The following HIVEP1 variants were observed in gnomAD, a reference collection of about 807,000 sequenced individuals.
The protein encoded by HIVEP1 is zinc finger protein 40.
Under a neutral mutation model 180.0 loss-of-function variants are expected in HIVEP1, and 36 were observed. The ratio of observed to expected loss-of-function variants is 0.20; its 90% CI spans 0.15 to 0.26. The LOEUF is 0.26. Among genes scored for constraint, HIVEP1 ranks in the 10% least tolerant of loss-of-function variants. The probability of loss-of-function intolerance (pLI) is 1.00; values close to 1 mark genes in which losing one functional copy is unlikely to be tolerated. For synonymous variants in HIVEP1, 1,239 were observed against 1,239.0 expected (o/e 1.00, Z 0.00); for missense variants, 3,143 against 3,268.7 (o/e 0.96, Z 0.94).
intron 2 of HIVEP1, among the ~76,000 whole-genome samples, chr6:12,016,129 C>T (rs1052186137): frequency 6.6e-6 from 1 of 152,148 alleles, no homozygotes; most frequent in African/African-American, 2.4e-5. Context: ...GGCATTCACT[C>T]AGACCATTAC....
chr6:12,052,455 T>C (rs770318658), intron 2 of HIVEP1, among the ~76,000 whole-genome samples: 1 of 152,218 alleles, frequency 6.6e-6, no homozygotes, highest in Non-Finnish European at 1.5e-5. Flanking sequence ...CCGAACCTTA[T>C]GTGTGTAAAG....
the HIVEP1 span, among the ~76,000 whole-genome samples, chr6:12,183,687 T>G: frequency 2.0e-5 from 3 of 152,160 alleles, no homozygotes; most frequent in Admixed American, 6.5e-5. Flanking sequence ...CAACTCATTT[T>G]TGGATTCGTC....
At chr6:12,166,141 A>T (rs546018772), downstream of HIVEP1, among the ~76,000 whole-genome samples, 1 of 152,304 alleles carries the variant, frequency 6.6e-6, no homozygotes, top group African/African-American at 2.4e-5. Flanking sequence ...GTTGAAAATG[A>T]GGTCTGTTTT....
In HIVEP1 at chr6:12,164,658, T is replaced by G; in HGVS notation, c.*197T>G. The G allele has an allele frequency of 2.0e-6, 1 of 506,762 alleles. No homozygotes were observed. Among genetic ancestry groups the G allele is most frequent in the East Asian group, 3.3e-5 (1 of 30,568 alleles). The allele number at this position is 506,762 out of a possible 1,614,324, so 31.4% of individuals were successfully genotyped here. On this transcript the variant is annotated 3_prime_UTR_variant, in exon 9 of 9. Coordinates refer to ENST00000379388, the MANE Select transcript of HIVEP1 (RefSeq NM_002114.4). ...CATGTTGTATAGACAATTGTGCCTT[T>G]TAGGAGCTTTATGTTTAGAAACTGT...
intron 3 of HIVEP1, among the ~76,000 whole-genome samples, chr6:12,096,088 A>G (rs547570641): frequency 3.9e-5 from 6 of 152,104 alleles, no homozygotes; most frequent in East Asian, 3.9e-4. Context: ...AGAACCTACA[A>G]TTGCCACTAT....
At chr6:12,030,074 G>GTA (rs1186045573) in intron 2 of HIVEP1, among the ~76,000 whole-genome samples, 3 of 152,108 alleles carry the variant, frequency 2.0e-5, no homozygotes, top group African/African-American at 7.2e-5. Context: ...AGAATTCTTG[G>GTA]TTGATAGGGT....
At chr6:12,065,681 G>A (rs1357582902) in intron 2 of HIVEP1, among the ~76,000 whole-genome samples, 1 of 76,690 alleles carries the variant, frequency 1.3e-5, no homozygotes, top group Non-Finnish European at 2.9e-5. Context: ...GTGTGTGTGT[G>A]TGTGTGTGTG....
chr6:12,057,230 C>T (rs756379758), intron 2 of HIVEP1, among the ~76,000 whole-genome samples: 2 of 152,042 alleles, frequency 1.3e-5, no homozygotes, highest in African/African-American at 2.4e-5. Context: ...AATATAGATG[C>T]TATTGTGACT....
chr6:12,207,137 A>G, the HIVEP1 span, among the ~76,000 whole-genome samples: 1 of 152,218 alleles, frequency 6.6e-6, no homozygotes, highest in Non-Finnish European at 1.5e-5. Flanking sequence ...ATTCCTGATG[A>G]GTTAAGATTG....
At chr6:12,154,581 GA>G (rs375459780) in intron 7 of HIVEP1, among the ~76,000 whole-genome samples, 35 of 151,966 alleles carry the variant, frequency 2.3e-4, no homozygotes, top group African/African-American at 8.4e-4. Flanking sequence ...CAAATGCATA[GA>G]ATTGTATGTT....
chr6:12,055,427 C>CG (rs1427015489), intron 2 of HIVEP1, among the ~76,000 whole-genome samples: 3 of 152,098 alleles, frequency 2.0e-5, no homozygotes, highest in Admixed American at 2.0e-4. Context: ...GAGCTGAGAT[C>CG]CGCCACTGCA....
chr6:12,060,023 A>G (rs7756504), intron 2 of HIVEP1, among the ~76,000 whole-genome samples: 2,828 of 152,268 alleles, frequency 0.019, 84 homozygotes, highest in African/African-American at 0.065. Context: ...TTGGATTTCA[A>G]TTGATTTCGA....
the HIVEP1 span, among the ~76,000 whole-genome samples, chr6:12,170,080 C>A: frequency 7.2e-4 from 110 of 151,818 alleles, no homozygotes; most frequent in Admixed American, 1.4e-3. Context: ...GAGATCATGC[C>A]GCTGCACTCC....
At chr6:12,138,112 C>A (rs918981612) in intron 7 of HIVEP1, among the ~76,000 whole-genome samples, 1 of 152,152 alleles carries the variant, frequency 6.6e-6, no homozygotes, top group Non-Finnish European at 1.5e-5. Context: ...GTTCATTCAA[C>A]GTACATGTAT....
chr6:12,171,788 A>G, the HIVEP1 span, among the ~76,000 whole-genome samples: 122 of 152,336 alleles, frequency 8.0e-4, no homozygotes, highest in African/African-American at 2.8e-3. Flanking sequence ...TCATATTTGC[A>G]TAATAATCAG....
chr6:12,133,583 A>G (rs1239809333), intron 6 of HIVEP1, among the ~76,000 whole-genome samples: 1 of 152,262 alleles, frequency 6.6e-6, no homozygotes, highest in Non-Finnish European at 1.5e-5. Context: ...ATGAGAAAAT[A>G]TGCTTACTAA....
At chr6:12,186,408 G>A in the HIVEP1 span, among the ~76,000 whole-genome samples, 3 of 151,896 alleles carry the variant, frequency 2.0e-5, no homozygotes, top group Non-Finnish European at 4.4e-5. Context: ...CAGATCAGTG[G>A]TTGTCTTGGG....
At chr6:12,054,249 G>A (rs1467955462) in intron 2 of HIVEP1, among the ~76,000 whole-genome samples, 1 of 152,116 alleles carries the variant, frequency 6.6e-6, no homozygotes, top group Non-Finnish European at 1.5e-5. Context: ...GGAAACTATG[G>A]TATGAAAAAC....
chr6:12,205,362 T>C, the HIVEP1 span, among the ~76,000 whole-genome samples: 1 of 151,948 alleles, frequency 6.6e-6, no homozygotes, highest in African/African-American at 2.4e-5. Context: ...TCCCAGCTAC[T>C]TGGGAGGCTG....
Sources: gnomAD v4.1 joint callset for allele counts (sites outside exome capture counted in the v4.1 genomes callset) on GRCh38, gnomAD v4.1.1 for gene constraint, MANE v1.5 for transcripts, NCBI Gene and HGNC (gene_info 2026-07-23, HGNC 2026-07-21) for gene names.